The following NRCAM variants were observed in gnomAD, a reference collection of about 807,000 sequenced individuals.
The protein encoded by NRCAM is neuronal cell adhesion molecule.
Under a neutral mutation model 156.5 loss-of-function variants are expected in NRCAM, and 83 were observed. The ratio of observed to expected loss-of-function variants is 0.53; its 90% CI spans 0.44 to 0.64. The LOEUF is 0.64. Ranked by LOEUF, NRCAM falls within the 30% of genes least tolerant of loss-of-function variation. The pLI, the probability that NRCAM is intolerant of heterozygous loss-of-function variation, is 0.00. For synonymous variants in NRCAM, 538 were observed against 563.9 expected (o/e 0.95, Z 0.65); for missense variants, 1,417 against 1,597.3 (o/e 0.89, Z 1.92).
intron 2 of NRCAM, among the ~76,000 whole-genome samples, chr7:108,393,947 G>A (rs2099769576): frequency 6.6e-6 from 1 of 152,184 alleles, no homozygotes; most frequent in Non-Finnish European, 1.5e-5. Context: ...GATTTTTACT[G>A]GTGAGGGCTC....
At chr7:108,285,569 G>C (rs1162978616) in intron 3 of NRCAM, among the ~76,000 whole-genome samples, 1 of 152,176 alleles carries the variant, frequency 6.6e-6, no homozygotes, top group Non-Finnish European at 1.5e-5. Flanking sequence ...GAAGGATTCA[G>C]GTCCAAACTG....
At chr7:108,377,492 T>C (rs574604215) in intron 2 of NRCAM, among the ~76,000 whole-genome samples, 2 of 152,092 alleles carry the variant, frequency 1.3e-5, no homozygotes, top group Non-Finnish European at 2.9e-5. Context: ...ATGGAAAAGA[T>C]CAAATTAAGA....
intron 2 of NRCAM, among the ~76,000 whole-genome samples, chr7:108,334,529 T>C (rs1454236030): frequency 6.6e-6 from 1 of 152,214 alleles, no homozygotes; most frequent in Non-Finnish European, 1.5e-5. Flanking sequence ...TTTCTCTGTT[T>C]GCAGACACTG....
At chr7:108,362,027 T>C (rs1341142105) in intron 2 of NRCAM, among the ~76,000 whole-genome samples, 1 of 152,330 alleles carries the variant, frequency 6.6e-6, no homozygotes, top group East Asian at 1.9e-4. Flanking sequence ...GCAGCTTTAC[T>C]CATAATGCCC....
At chr7:108,296,712 C>T (rs984434394) in intron 3 of NRCAM, among the ~76,000 whole-genome samples, 7 of 152,112 alleles carry the variant, frequency 4.6e-5, no homozygotes, top group Non-Finnish European at 8.8e-5. Flanking sequence ...AATGTTAGTA[C>T]TACAAAACAC....
intron 2 of NRCAM, among the ~76,000 whole-genome samples, chr7:108,379,739 A>G (rs1355667416): frequency 6.6e-6 from 1 of 152,234 alleles, no homozygotes; most frequent in Non-Finnish European, 1.5e-5. Context: ...TTTACTTTAC[A>G]AATTTTTTTA....
At chr7:108,423,385 A>G (rs1017391278) in intron 1 of NRCAM, among the ~76,000 whole-genome samples, 8 of 152,132 alleles carry the variant, frequency 5.3e-5, no homozygotes, top group Non-Finnish European at 1.2e-4. Flanking sequence ...ATCTCTTAAC[A>G]AAAGTGGGGA....
intron 2 of NRCAM, among the ~76,000 whole-genome samples, chr7:108,338,310 C>A (rs1036049221): frequency 1.6e-4 from 25 of 152,198 alleles, no homozygotes; most frequent in Non-Finnish European, 1.8e-4. Flanking sequence ...TTCCTCTGAT[C>A]CCTGCCTCCT....
chr7:108,361,206 T>C (rs2099547937), intron 2 of NRCAM, among the ~76,000 whole-genome samples: 1 of 152,210 alleles, frequency 6.6e-6, no homozygotes, highest in Non-Finnish European at 1.5e-5. Flanking sequence ...TCTATTAGAA[T>C]GGCTAAAATT....
At chr7:108,444,405 A>G (rs1330884562) in intron 1 of NRCAM, among the ~76,000 whole-genome samples, 2 of 152,068 alleles carry the variant, frequency 1.3e-5, no homozygotes, top group Non-Finnish European at 2.9e-5. Flanking sequence ...TTAGAAACAG[A>G]TGAACTATTA....
At chr7:108,433,572 A>C (rs1050284993) in intron 1 of NRCAM, among the ~76,000 whole-genome samples, 4 of 152,192 alleles carry the variant, frequency 2.6e-5, no homozygotes, top group African/African-American at 9.7e-5. Context: ...TGAATTGGCT[A>C]ATGCTCTCCC....
intron 2 of NRCAM, among the ~76,000 whole-genome samples, chr7:108,321,491 TGA>T (rs2099000770): frequency 6.6e-6 from 1 of 152,160 alleles, no homozygotes; most frequent in Admixed American, 6.6e-5. Context: ...AAGCCATTTA[TGA>T]GAGATCCACC....
chr7:108,254,952 C>T (rs573594971), intron 3 of NRCAM, among the ~76,000 whole-genome samples: 21 of 152,152 alleles, frequency 1.4e-4, no homozygotes, highest in African/African-American at 4.3e-4. Context: ...AAGACTTGTA[C>T]GCAAATGTAT....
intron 3 of NRCAM, among the ~76,000 whole-genome samples, chr7:108,293,246 G>A (rs2098361311): frequency 6.6e-6 from 1 of 152,128 alleles, no homozygotes; most frequent in Non-Finnish European, 1.5e-5. Context: ...ACAGTATCAT[G>A]AAAACTGTGC....
chr7:108,306,325 T>C (rs1325493732), intron 3 of NRCAM, among the ~76,000 whole-genome samples: 1 of 152,204 alleles, frequency 6.6e-6, no homozygotes, highest in Non-Finnish European at 1.5e-5. Context: ...TTCCCTCTTA[T>C]TCAAGATGAA....
At chr7:108,304,851 A>C (rs909939092) in intron 3 of NRCAM, among the ~76,000 whole-genome samples, 6 of 152,156 alleles carry the variant, frequency 3.9e-5, no homozygotes, top group African/African-American at 7.2e-5. Context: ...ATATTGGCTC[A>C]CTTACTGGAT....
intron 10 of NRCAM, 29 bp from the exon 11 acceptor site, chr7:108,223,865 C>T (rs763937487): frequency 1.9e-6 from 2 of 1,031,970 alleles, no homozygotes; most frequent in African/African-American, 3.2e-5. Flanking sequence ...GTATGCATTA[C>T]AACTTATAAA....
intron 30 of NRCAM, among the ~76,000 whole-genome samples, chr7:108,163,534 A>C (rs150410394): frequency 2.0e-5 from 3 of 152,244 alleles, no homozygotes; most frequent in Non-Finnish European, 4.4e-5. Flanking sequence ...GCAAAATGTG[A>C]CCTTAACCAA....
At chr7:108,321,839 C>G (rs2099005259) in intron 2 of NRCAM, among the ~76,000 whole-genome samples, 2 of 152,260 alleles carry the variant, frequency 1.3e-5, no homozygotes, top group African/African-American at 4.8e-5. Flanking sequence ...TTCTTTCAAA[C>G]AAACTTTTAT....
Sources: gnomAD v4.1 joint callset for allele counts (sites outside exome capture counted in the v4.1 genomes callset) on GRCh38, gnomAD v4.1.1 for gene constraint, MANE v1.5 for transcripts, NCBI Gene and HGNC (gene_info 2026-07-23, HGNC 2026-07-21) for gene names.